Variants in CTNNA3 observed in about 807,000 individuals in gnomAD.
CTNNA3 encodes catenin alpha-3.
CTNNA3 carries 76 observed loss-of-function variants against 95.7 expected under a neutral mutation model. The ratio of observed to expected loss-of-function variants is 0.79; its 90% CI spans 0.66 to 0.96. The LOEUF (loss-of-function observed/expected upper bound fraction) is 0.96, where lower values mean the gene tolerates loss of function less well. CTNNA3 is among the 40% of genes least tolerant of loss of function. The probability of loss-of-function intolerance (pLI) is 0.00; values close to 1 mark genes in which losing one functional copy is unlikely to be tolerated. For missense variants in CTNNA3, 1,191 were observed against 1,089.8 expected, an observed-to-expected ratio of 1.09 and a Z score of -1.31; for synonymous variants, 431 against 374.4, an observed-to-expected ratio of 1.15 and a Z score of -1.74.
intron 9 of CTNNA3, 98 bp downstream of exon 9, chr10:66,766,166 G>T: frequency 2.5e-6 from 3 of 1,194,490 alleles, no homozygotes; most frequent in Non-Finnish European, 3.6e-6. Context: ...TTGTAACACG[G>T]TGTCAAAAGT....
At chr10:66,050,520 T>C (rs909417054) in intron 15 of CTNNA3, among the ~76,000 whole-genome samples, 3 of 152,196 alleles carry the variant, frequency 2.0e-5, no homozygotes, top group African/African-American at 7.2e-5. Context: ...CTCAAGCTCC[T>C]GGGCTTGATC....
intron 7 of CTNNA3, among the ~76,000 whole-genome samples, chr10:66,816,057 TG>T (rs1333718211): frequency 6.6e-6 from 1 of 152,140 alleles, no homozygotes. Context: ...CACAAAGGAC[TG>T]GGGGAAAATG....
chr10:67,527,265 G>A (rs938236618), intron 4 of CTNNA3, among the ~76,000 whole-genome samples: 3 of 151,920 alleles, frequency 2.0e-5, no homozygotes, highest in Non-Finnish European at 4.4e-5. Context: ...TCAAAGATAA[G>A]ATAAAATAAA....
At chr10:66,639,095 A>G (rs1347945943) in intron 9 of CTNNA3, among the ~76,000 whole-genome samples, 1 of 152,114 alleles carries the variant, frequency 6.6e-6, no homozygotes, top group Non-Finnish European at 1.5e-5. Flanking sequence ...AGTAAATTGA[A>G]TAGAATATTT....
At chr10:67,738,685 C>A (rs112711302) in intron 1 of CTNNA3, among the ~76,000 whole-genome samples, 7 of 151,132 alleles carry the variant, frequency 4.6e-5, no homozygotes, top group African/African-American at 1.5e-4. Context: ...AAGTTAAAAC[C>A]TTGAAAAAAA....
At chr10:66,425,126 T>C (rs761929505) in intron 11 of CTNNA3, among the ~76,000 whole-genome samples, 53 of 152,024 alleles carry the variant, frequency 3.5e-4, no homozygotes, top group Admixed American at 4.6e-4. Flanking sequence ...AAATCCTCTA[T>C]AGATGTTTTT....
intron 15 of CTNNA3, among the ~76,000 whole-genome samples, chr10:66,020,512 G>A (rs1310234423): frequency 2.0e-5 from 3 of 152,192 alleles, no homozygotes; most frequent in African/African-American, 4.8e-5. Flanking sequence ...TGCAGAGGAA[G>A]GCAACTGGAA....
chr10:66,138,437 T>C (rs778801536), intron 13 of CTNNA3, among the ~76,000 whole-genome samples: 1 of 152,218 alleles, frequency 6.6e-6, no homozygotes, highest in Non-Finnish European at 1.5e-5. Flanking sequence ...TGTTTCTATA[T>C]GGCCTTGTAT....
At chr10:66,188,593 CTCTG>C (rs1389005630) in intron 13 of CTNNA3, among the ~76,000 whole-genome samples, 2,716 of 104,574 alleles carry the variant, frequency 0.026, 37 homozygotes, top group East Asian at 0.037. Flanking sequence ...GAGGGGGGGT[CTCTG>C]TGTGTGTGTG....
intron 3 of CTNNA3, among the ~76,000 whole-genome samples, chr10:67,556,688 A>T (rs1666012613): frequency 1.3e-5 from 2 of 151,780 alleles, no homozygotes; most frequent in Admixed American, 6.6e-5. Context: ...AATTTTGTTG[A>T]TCTTTTCAAA....
chr10:66,532,304 T>C (rs935432436), intron 10 of CTNNA3, among the ~76,000 whole-genome samples: 2 of 151,930 alleles, frequency 1.3e-5, no homozygotes, highest in African/African-American at 2.4e-5. Context: ...CTACTAAAAA[T>C]ACAAAAAATT....
At chr10:67,217,185 A>C (rs4142751) in intron 6 of CTNNA3, among the ~76,000 whole-genome samples, 1 of 152,098 alleles carries the variant, frequency 6.6e-6, no homozygotes, top group Non-Finnish European at 1.5e-5. Context: ...TCATAGTATT[A>C]TATTTGCAGG....
At chr10:66,896,902 C>T (rs547812275) in intron 7 of CTNNA3, among the ~76,000 whole-genome samples, 1 of 152,202 alleles carries the variant, frequency 6.6e-6, no homozygotes, top group South Asian at 2.1e-4. Flanking sequence ...TGCAGTAGCA[C>T]CCCATGCTCA....
At chr10:66,414,197 G>C (rs2093128936) in intron 11 of CTNNA3, among the ~76,000 whole-genome samples, 1 of 152,148 alleles carries the variant, frequency 6.6e-6, no homozygotes, top group Non-Finnish European at 1.5e-5. Context: ...AATGGGTTTT[G>C]AAATGGGCAC....
At chr10:67,621,085 CA>C (rs1455148228) in intron 2 of CTNNA3, among the ~76,000 whole-genome samples, 1 of 151,918 alleles carries the variant, frequency 6.6e-6, no homozygotes, top group Non-Finnish European at 1.5e-5. Context: ...TCATGGCCAG[CA>C]TAACAGTTCT....
At chr10:67,194,467 C>T (rs1863257639) in intron 6 of CTNNA3, among the ~76,000 whole-genome samples, 1 of 151,932 alleles carries the variant, frequency 6.6e-6, no homozygotes, top group South Asian at 2.1e-4. Context: ...TATGAAAATG[C>T]TGCATCCTAT....
At chr10:66,699,815 C>A (rs1847884722) in intron 9 of CTNNA3, among the ~76,000 whole-genome samples, 1 of 151,798 alleles carries the variant, frequency 6.6e-6, no homozygotes, top group Non-Finnish European at 1.5e-5. Context: ...TGTGCCACCA[C>A]CCTGGCTAAT....
chr10:67,666,990 A>G (rs532184750), intron 1 of CTNNA3, among the ~76,000 whole-genome samples: 19 of 152,182 alleles, frequency 1.2e-4, no homozygotes, highest in Non-Finnish European at 2.6e-4. Context: ...CAACAATCTT[A>G]CATAAAGATT....
At chr10:67,432,897 T>G (rs1298834371) in intron 5 of CTNNA3, among the ~76,000 whole-genome samples, 1 of 152,044 alleles carries the variant, frequency 6.6e-6, no homozygotes, top group Non-Finnish European at 1.5e-5. Context: ...GATGCTGACT[T>G]TATAGACTGA....
Sources: gnomAD v4.1 joint callset for allele counts (sites outside exome capture counted in the v4.1 genomes callset) on GRCh38, gnomAD v4.1.1 for gene constraint, MANE v1.5 for transcripts, NCBI Gene and HGNC (gene_info 2026-07-23, HGNC 2026-07-21) for gene names.